GPHN: variants seen among roughly 807,000 people sequenced by gnomAD.
GPHN encodes the protein gephyrin.
Under a neutral mutation model 95.5 loss-of-function variants are expected in GPHN, and 17 were observed. The ratio of observed to expected loss-of-function variants is 0.18; its 90% CI spans 0.12 to 0.27. The LOEUF (loss-of-function observed/expected upper bound fraction) is 0.27. GPHN is among the 10% of genes least tolerant of loss of function. The probability of loss-of-function intolerance (pLI) is 1.00; values close to 1 mark genes in which losing one functional copy is unlikely to be tolerated. For synonymous variants in GPHN, 320 were observed against 322.5 expected (o/e 0.99, Z 0.08); for missense variants, 660 against 978.1 (o/e 0.67, Z 4.34).
At chr14:67,617,548 A>G in the GPHN span, 1 of 152,212 alleles carries the variant, frequency 6.6e-6, no homozygotes, top group Admixed American at 6.5e-5. Flanking sequence ...CTGTATAACA[A>G]TCTCCTGTTC....
At chr14:66,738,233 T>A (rs1165767764) in intron 2 of GPHN, among the ~76,000 whole-genome samples, 4 of 152,216 alleles carry the variant, frequency 2.6e-5, no homozygotes, top group African/African-American at 9.6e-5. Context: ...AGTTAAAAAT[T>A]AAAACACTGT....
chr14:67,330,004 G>A, the GPHN span, among the ~76,000 whole-genome samples: 5 of 151,146 alleles, frequency 3.3e-5, no homozygotes, highest in Non-Finnish European at 4.4e-5. Context: ...GCATAAAGAT[G>A]TGATTTTTTT....
the GPHN span, chr14:67,651,541 T>A: frequency 6.3e-6 from 10 of 1,585,384 alleles, no homozygotes; most frequent in Non-Finnish European, 8.6e-6. Flanking sequence ...CTTCTAAACA[T>A]TTTGGGGTTA....
chr14:66,586,368 G>C (rs2061419910), intron 1 of GPHN, among the ~76,000 whole-genome samples: 1 of 152,096 alleles, frequency 6.6e-6, no homozygotes, highest in South Asian at 2.1e-4. Context: ...CTTTTAATTG[G>C]AGCATTTAGC....
At chr14:66,781,907 A>G (rs1233449685) in intron 3 of GPHN, among the ~76,000 whole-genome samples, 1 of 152,202 alleles carries the variant, frequency 6.6e-6, no homozygotes, top group Non-Finnish European at 1.5e-5. Flanking sequence ...ATTCCTGGGT[A>G]TTAAGAAACA....
At chr14:67,275,532 T>C in the GPHN span, among the ~76,000 whole-genome samples, 4 of 152,230 alleles carry the variant, frequency 2.6e-5, no homozygotes, top group Admixed American at 6.5e-5. Flanking sequence ...CAGTATTTTA[T>C]TGAAGATTTT....
At chr14:67,461,992 A>C in the GPHN span, among the ~76,000 whole-genome samples, 1 of 152,248 alleles carries the variant, frequency 6.6e-6, no homozygotes, top group Admixed American at 6.5e-5. Flanking sequence ...CCAGTGGGCA[A>C]GCCAGGGAGG....
intron 4 of GPHN, 97 bp downstream of exon 4, chr14:66,824,663 A>G (rs893362567): frequency 1.8e-5 from 12 of 653,138 alleles, no homozygotes; most frequent in Admixed American, 1.6e-4. Context: ...TAACTTTGCT[A>G]GGCATAACAA....
chr14:67,145,888 T>C (rs936903649), intron 18 of GPHN, among the ~76,000 whole-genome samples: 5 of 152,208 alleles, frequency 3.3e-5, no homozygotes, highest in African/African-American at 4.8e-5. Context: ...GTGCCTATGC[T>C]ACAGGACTGG....
chr14:67,137,013 C>T (rs1275689438), intron 17 of GPHN, among the ~76,000 whole-genome samples: 1 of 152,042 alleles, frequency 6.6e-6, no homozygotes, highest in Non-Finnish European at 1.5e-5. Flanking sequence ...AAAAAATTGC[C>T]AAGCATGGTG....
the GPHN span, chr14:67,725,206 C>A: frequency 2.5e-5 from 41 of 1,614,048 alleles, no homozygotes; most frequent in Admixed American, 2.7e-4. Context: ...GAAATTGGAC[C>A]TATCCGACAC....
At chr14:66,670,634 C>T (rs1198883679) in intron 1 of GPHN, among the ~76,000 whole-genome samples, 2 of 151,992 alleles carry the variant, frequency 1.3e-5, no homozygotes, top group African/African-American at 2.4e-5. Flanking sequence ...AACAAAAATA[C>T]AAAAAAATTT....
chr14:67,440,870 CA>C, the GPHN span, among the ~76,000 whole-genome samples: 2 of 152,042 alleles, frequency 1.3e-5, no homozygotes, highest in Admixed American at 1.3e-4. Flanking sequence ...CTCCATCTGG[CA>C]AATGGGCAGG....
At chr14:67,628,294 A>G in the GPHN span, among the ~76,000 whole-genome samples, 1 of 152,214 alleles carries the variant, frequency 6.6e-6, no homozygotes, top group Non-Finnish European at 1.5e-5. Context: ...ACATAATCAT[A>G]GTACACTACT....
intron 1 of GPHN, among the ~76,000 whole-genome samples, chr14:66,620,814 C>A (rs1323344173): frequency 6.6e-6 from 1 of 152,178 alleles, no homozygotes; most frequent in Admixed American, 6.5e-5. Context: ...TCCCTTCTGC[C>A]TATAAGCCTG....
intron 1 of GPHN, among the ~76,000 whole-genome samples, chr14:66,628,410 A>T (rs552606037): frequency 6.6e-6 from 1 of 152,268 alleles, no homozygotes; most frequent in Admixed American, 6.5e-5. Flanking sequence ...CTGAATGAAT[A>T]TTGTAGGCAG....
At chr14:67,651,660 T>G in the GPHN span, 3 of 508,852 alleles carry the variant, frequency 5.9e-6, no homozygotes, top group East Asian at 1.1e-4. Context: ...TAACACTGTC[T>G]ACCTCACAGA....
At chr14:67,609,194 G>T in the GPHN span, among the ~76,000 whole-genome samples, 1 of 152,064 alleles carries the variant, frequency 6.6e-6, no homozygotes, top group African/African-American at 2.4e-5. Context: ...TTGCAGGGCA[G>T]CAGGCAAGAA....
intron 3 of GPHN, 80 bp downstream of exon 3, chr14:66,776,601 C>A: frequency 1.2e-6 from 1 of 831,536 alleles, no homozygotes; most frequent in South Asian, 1.3e-5. Context: ...TTCTTTATGC[C>A]ATTGATATTT....
Sources: gnomAD v4.1 joint callset for allele counts (sites outside exome capture counted in the v4.1 genomes callset) on GRCh38, gnomAD v4.1.1 for gene constraint, MANE v1.5 for transcripts, NCBI Gene and HGNC (gene_info 2026-07-23, HGNC 2026-07-21) for gene names.